COL24A1: variants seen among roughly 807,000 people sequenced by gnomAD.
COL24A1 encodes the protein collagen type XXIV alpha 1 chain, also known as collagen alpha-1(XXIV) chain.
COL24A1 carries 224 observed loss-of-function variants against 253.9 expected under a neutral mutation model. The observed-to-expected ratio is 0.88, with a 90% CI of 0.79 to 0.99. The LOEUF (loss-of-function observed/expected upper bound fraction) is 0.99, where lower values mean the gene tolerates loss of function less well. Ranked by LOEUF, COL24A1 falls within the 50% of genes least tolerant of loss-of-function variation. The pLI, the probability that COL24A1 is intolerant of heterozygous loss-of-function variation, is 0.00. For missense variants in COL24A1, 2,131 were observed against 2,068.5 expected, an observed-to-expected ratio of 1.03 and a Z score of -0.59; for synonymous variants, 685 against 673.7, an observed-to-expected ratio of 1.02 and a Z score of -0.26.
At chr1:85,788,175 C>G (rs979250183) in intron 47 of COL24A1, among the ~76,000 whole-genome samples, 1 of 152,108 alleles carries the variant, frequency 6.6e-6, no homozygotes, top group African/African-American at 2.4e-5. Flanking sequence ...ACTGCAAGCT[C>G]CACCTCCTGG....
intron 28 of COL24A1, among the ~76,000 whole-genome samples, chr1:85,899,267 G>A (rs1174635142): frequency 6.6e-6 from 1 of 152,046 alleles, no homozygotes; most frequent in African/African-American, 2.4e-5. Flanking sequence ...GGAATGAGTG[G>A]TCAACATTCT....
chr1:85,806,449 C>T (rs1224783682), intron 47 of COL24A1, among the ~76,000 whole-genome samples: 1 of 152,080 alleles, frequency 6.6e-6, no homozygotes, highest in Non-Finnish European at 1.5e-5. Context: ...ACTTTGCAGG[C>T]CATATGGTCT....
intron 32 of COL24A1, among the ~76,000 whole-genome samples, chr1:85,883,009 C>T (rs747136952): frequency 6.6e-6 from 1 of 152,114 alleles, no homozygotes; most frequent in Non-Finnish European, 1.5e-5. Flanking sequence ...GTTTTGCTTT[C>T]CTATTCACTT....
intron 19 of COL24A1, among the ~76,000 whole-genome samples, chr1:86,014,109 T>A (rs1696784911): frequency 6.6e-6 from 1 of 152,182 alleles, no homozygotes; most frequent in South Asian, 2.1e-4. Flanking sequence ...TTTTTTACCT[T>A]CCTTGCTTTC....
intron 42 of COL24A1, among the ~76,000 whole-genome samples, chr1:85,839,108 G>A (rs1676333672): frequency 6.6e-6 from 1 of 151,752 alleles, no homozygotes; most frequent in Non-Finnish European, 1.5e-5. Flanking sequence ...CTGAAGCAGG[G>A]GGAACACTTG....
chr1:85,891,973 T>C (rs1439732831), intron 31 of COL24A1, among the ~76,000 whole-genome samples: 3 of 152,288 alleles, frequency 2.0e-5, no homozygotes, highest in South Asian at 2.1e-4. Context: ...GTAACTATGA[T>C]AATGATGACC....
intron 19 of COL24A1, among the ~76,000 whole-genome samples, chr1:85,992,343 C>T (rs1694369343): frequency 6.6e-6 from 1 of 152,112 alleles, no homozygotes; most frequent in Non-Finnish European, 1.5e-5. Context: ...TTCCTTCCCA[C>T]ATAGGAGAGC....
intron 53 of COL24A1, among the ~76,000 whole-genome samples, chr1:85,770,819 T>C (rs1667876262): frequency 6.6e-6 from 1 of 152,228 alleles, no homozygotes; most frequent in Admixed American, 6.5e-5. Flanking sequence ...GTGTACCTTT[T>C]GCCCATCCTC....
rs1447567941 is a variant in COL24A1, at chr1:85,916,004, T to C, written c.2563-4571A>G. Among the ~76,000 whole-genome samples, 8 of 152,306 alleles carry C rather than the reference T, an allele frequency of 5.3e-5. No homozygotes were observed. In the South Asian group the frequency reaches 1.2e-3, roughly 24 times the overall value. On this transcript the variant is annotated intron_variant, in intron 24 of 59. Transcript: ENST00000370571. ...TTATCCCATGTGCACCAGAACAATA[T>C]AACCTACAAATGTATTCTGCTTAGC... is the stretch of plus-strand genomic sequence containing the variant.
intron 7 of COL24A1, among the ~76,000 whole-genome samples, chr1:86,082,085 C>T (rs1702681691): frequency 1.3e-5 from 2 of 151,928 alleles, no homozygotes; most frequent in South Asian, 4.2e-4. Context: ...TATCATAAGC[C>T]TCCTTTCACA....
chr1:86,118,472 A>G (rs963387584), intron 3 of COL24A1, among the ~76,000 whole-genome samples: 11 of 152,232 alleles, frequency 7.2e-5, no homozygotes, highest in Non-Finnish European at 1.6e-4. Context: ...TCAATAGTCC[A>G]ATACTTCTAA....
intron 39 of COL24A1, among the ~76,000 whole-genome samples, chr1:85,845,620 C>T (rs1677073248): frequency 6.6e-6 from 1 of 151,708 alleles, no homozygotes; most frequent in Non-Finnish European, 1.5e-5. Context: ...CCTGAAGAAT[C>T]CCTATGAGAA....
At chr1:85,941,728 C>G (rs768780858) in intron 24 of COL24A1, among the ~76,000 whole-genome samples, 3 of 152,124 alleles carry the variant, frequency 2.0e-5, no homozygotes, top group Non-Finnish European at 4.4e-5. Flanking sequence ...GACATATCTA[C>G]AGGAAGCAGG....
chr1:85,846,250 A>G (rs1484532175), intron 39 of COL24A1, among the ~76,000 whole-genome samples: 4 of 151,888 alleles, frequency 2.6e-5, no homozygotes. Flanking sequence ...AAAAACCTCC[A>G]TACATCTTAA....
chr1:86,132,740 C>G (rs190256903), intron 2 of COL24A1, among the ~76,000 whole-genome samples: 1 of 152,118 alleles, frequency 6.6e-6, no homozygotes, highest in South Asian at 2.1e-4. Context: ...TGTTTTGGTA[C>G]CAGTACCATG....
intron 24 of COL24A1, among the ~76,000 whole-genome samples, chr1:85,926,924 T>C (rs1288550859): frequency 6.6e-6 from 1 of 152,030 alleles, no homozygotes; most frequent in Non-Finnish European, 1.5e-5. Context: ...ATCTGTGTGA[T>C]GTGGGAAGGT....
chr1:86,055,916 T>C (rs1024830522), intron 10 of COL24A1, among the ~76,000 whole-genome samples: 1 of 151,790 alleles, frequency 6.6e-6, no homozygotes, highest in Non-Finnish European at 1.5e-5. Context: ...AGGTCAGGAG[T>C]TCGAGACCAG....
chr1:86,135,279 C>T (rs1650043060), intron 2 of COL24A1, among the ~76,000 whole-genome samples: 1 of 152,066 alleles, frequency 6.6e-6, no homozygotes, highest in Non-Finnish European at 1.5e-5. Flanking sequence ...ATACAGCACA[C>T]TGATGTGTCT....
At chr1:85,908,142 CACTT>C (rs1011718203) in intron 27 of COL24A1, among the ~76,000 whole-genome samples, 1 of 150,870 alleles carries the variant, frequency 6.6e-6, no homozygotes, top group Non-Finnish European at 1.5e-5. Context: ...TTAGGGGAAA[CACTT>C]CATCATCTTT....
Sources: gnomAD v4.1 joint callset for allele counts (sites outside exome capture counted in the v4.1 genomes callset) on GRCh38, gnomAD v4.1.1 for gene constraint, MANE v1.5 for transcripts, NCBI Gene and HGNC (gene_info 2026-07-23, HGNC 2026-07-21) for gene names.